Variants in DMD observed in about 807,000 individuals in gnomAD.
The protein encoded by DMD is dystrophin, also known as mutant dystrophin.
In DMD, 63 loss-of-function variants were observed where a neutral mutation model predicts 330.1. The observed-to-expected ratio is 0.19, with a 90% CI of 0.16 to 0.24. The LOEUF (loss-of-function observed/expected upper bound fraction) is 0.24. Ranked by LOEUF, DMD falls within the 10% of genes least tolerant of loss-of-function variation. The pLI is 1.00. For synonymous variants in DMD, 1,223 were observed against 959.8 expected, an observed-to-expected ratio of 1.27 and a Z score of -5.07; for missense variants, 3,344 against 2,684.1, an observed-to-expected ratio of 1.25 and a Z score of -5.43.
At chrX:33,128,257 G>A (rs2148522085) in intron 1 of DMD, 1 of 1,133,536 alleles carries the variant, frequency 8.8e-7, no homozygotes, top group Admixed American at 2.7e-5. Flanking sequence ...ATTCTATGGG[G>A]TATGGTAAAC....
At chrX:32,807,784 G>A (rs138168814) in intron 7 of DMD, among the ~76,000 whole-genome samples, 1 of 111,351 alleles carries the variant, frequency 9.0e-6, no homozygotes, top group African/African-American at 3.3e-5. Context: ...CTCCTATTCT[G>A]TAAGTTCAAA....
chrX:32,846,747 A>AAAG (rs572173304), intron 3 of DMD, among the ~76,000 whole-genome samples: 9 of 74,166 alleles, frequency 1.2e-4, no homozygotes, highest in African/African-American at 4.2e-4. Context: ...AAAAAAAAAA[A>AAAG]GCAACAGCCA....
At chrX:31,259,714 G>A (rs2050320692) in intron 63 of DMD, among the ~76,000 whole-genome samples, 1 of 111,361 alleles carries the variant, frequency 9.0e-6, no homozygotes, top group Non-Finnish European at 1.9e-5. Flanking sequence ...TTAGAAAAAT[G>A]TTTAATAAAA....
chrX:32,327,658 T>G (rs1005909853), intron 41 of DMD, among the ~76,000 whole-genome samples: 1 of 111,458 alleles, frequency 9.0e-6, no homozygotes, highest in African/African-American at 3.3e-5. Flanking sequence ...TAGTTTCTCC[T>G]AAAATAGCTT....
At chrX:32,872,510 C>T (rs1306453250) in intron 2 of DMD, among the ~76,000 whole-genome samples, 1 of 112,336 alleles carries the variant, frequency 8.9e-6, no homozygotes, top group African/African-American at 3.2e-5. Flanking sequence ...CTGGAGCTTA[C>T]TGTCTCAAGA....
At chrX:31,373,126 C>G (rs1164191077) in intron 60 of DMD, among the ~76,000 whole-genome samples, 3 of 106,678 alleles carry the variant, frequency 2.8e-5, no homozygotes, top group Non-Finnish European at 3.9e-5. Context: ...TGTGAAGGAC[C>G]TCTTCAAGGA....
chrX:32,487,764 T>A (rs2042623194), intron 20 of DMD, among the ~76,000 whole-genome samples: 1 of 111,441 alleles, frequency 9.0e-6, no homozygotes, highest in Non-Finnish European at 1.9e-5. Flanking sequence ...TTTTGGTGGG[T>A]GAAGATTAAA....
At position 32,506,714 on chromosome X, in the gene DMD, G is replaced by A. The variant is rs187686135; in HGVS notation, c.2293-4872C>T. 2.8e-3 allele frequency among the ~76,000 whole-genome samples: 317 copies of A among 111,430 alleles called. 3 individuals carry two copies. Among genetic ancestry groups the A allele is most frequent in the African/African-American group, 9.4e-3 (288 of 30,754 alleles). On this transcript the variant is annotated intron_variant, in intron 18 of 78. Transcript: ENST00000357033. ...TTACATTCCACTTGAAAATTTCAAA[G>A]CACCCAGTTTGTGGTATTTTGTGAT... is the stretch of plus-strand genomic sequence containing the variant.
At chrX:31,744,284 A>C (rs1301835859) in intron 51 of DMD, among the ~76,000 whole-genome samples, 3 of 111,812 alleles carry the variant, frequency 2.7e-5, no homozygotes, top group African/African-American at 3.3e-5. Context: ...AATGTTTGAA[A>C]TATTGAGCAA....
chrX:32,655,763 T>C (rs2060521290), intron 9 of DMD, among the ~76,000 whole-genome samples: 1 of 111,362 alleles, frequency 9.0e-6, no homozygotes, highest in South Asian at 3.8e-4. Flanking sequence ...ATTATTAACG[T>C]GTGGGAGTCT....
At chrX:31,972,774 C>T (rs2095409180) in intron 44 of DMD, among the ~76,000 whole-genome samples, 1 of 111,443 alleles carries the variant, frequency 9.0e-6, no homozygotes, top group African/African-American at 3.3e-5. Flanking sequence ...ACTGATTGGT[C>T]AAGAGAAAAG....
intron 47 of DMD, among the ~76,000 whole-genome samples, chrX:31,893,589 G>T (rs997456123): frequency 9.4e-6 from 1 of 105,924 alleles, no homozygotes; most frequent in Admixed American, 1.0e-4. Context: ...GGGAGGGAGG[G>T]AGGGAAAAGA....
At chrX:31,142,714 G>A (rs1440519587) in intron 76 of DMD, among the ~76,000 whole-genome samples, 1 of 112,302 alleles carries the variant, frequency 8.9e-6, no homozygotes, top group Non-Finnish European at 1.9e-5. Flanking sequence ...ATAAGGAGTT[G>A]TCTGGACATC....
At chrX:32,092,617 C>G (rs965241626) in intron 44 of DMD, among the ~76,000 whole-genome samples, 1 of 109,385 alleles carries the variant, frequency 9.1e-6, no homozygotes, top group African/African-American at 3.3e-5. Context: ...TGTGGAGACT[C>G]CAAAGCTGAA....
intron 44 of DMD, among the ~76,000 whole-genome samples, chrX:32,046,556 T>A (rs760792781): frequency 8.9e-6 from 1 of 112,291 alleles, no homozygotes; most frequent in African/African-American, 3.2e-5. Context: ...AAAATGCTGC[T>A]AAATTATTTG....
At chrX:31,715,221 G>T (rs748213567) in intron 52 of DMD, among the ~76,000 whole-genome samples, 54 of 78,555 alleles carry the variant, frequency 6.9e-4, no homozygotes, top group African/African-American at 2.1e-3. Context: ...GGGGGTTGGT[G>T]GGGGGGGAGC....
At chrX:31,178,195 T>A (rs2040749243) in intron 70 of DMD, 1 of 753,651 alleles carries the variant, frequency 1.3e-6, no homozygotes, top group African/African-American at 2.3e-5. Flanking sequence ...GGTGAAGACG[T>A]CCCCTTTGAT....
intron 45 of DMD, 112 bp downstream of exon 45, chrX:31,968,227 T>TA (rs2095368355): frequency 2.2e-6 from 2 of 909,689 alleles, no homozygotes; most frequent in Admixed American, 4.7e-5. Context: ...TGATAGGTTC[T>TA]TTAATGTTAG....
chrX:32,504,690 T>C (rs10856411), intron 18 of DMD, among the ~76,000 whole-genome samples: 7,546 of 111,003 alleles, frequency 0.068, 548 homozygotes, highest in African/African-American at 0.21. Context: ...GCATTATGGT[T>C]GAAAACCATG....
Sources: gnomAD v4.1 joint callset for allele counts (sites outside exome capture counted in the v4.1 genomes callset) on GRCh38, gnomAD v4.1.1 for gene constraint, MANE v1.5 for transcripts, NCBI Gene and HGNC (gene_info 2026-07-23, HGNC 2026-07-21) for gene names.